AGL: variants seen among roughly 807,000 people sequenced by gnomAD.
AGL encodes the protein glycogen debranching enzyme.
In AGL, 128 loss-of-function variants were observed where a neutral mutation model predicts 199.3. That is an observed-to-expected ratio of 0.64 (90% CI 0.56 to 0.74). The LOEUF is 0.74. Ranked by LOEUF, AGL falls within the 30% of genes least tolerant of loss-of-function variation. AGL has a pLI of 0.00. For synonymous variants in AGL, 584 were observed against 594.7 expected (o/e 0.98, Z 0.26); for missense variants, 1,809 against 1,820.8 (o/e 0.99, Z 0.12).
At chr1:99,915,571 G>C in intron 31 of AGL, 85 bp downstream of exon 31, 3 of 1,070,776 alleles carry the variant, frequency 2.8e-6, no homozygotes, top group Non-Finnish European at 4.2e-6. Context: ...TTTTTTGCCA[G>C]GGCAACAAAA....
chr1:99,909,406 A>T (rs1283338870), intron 27 of AGL, among the ~76,000 whole-genome samples: 1 of 152,084 alleles, frequency 6.6e-6, no homozygotes, highest in African/African-American at 2.4e-5. Context: ...ACCCCCAGGT[A>T]GGGGATAGGA....
chr1:99,849,325 A>G (rs2101050278), upstream of AGL, among the ~76,000 whole-genome samples: 1 of 152,096 alleles, frequency 6.6e-6, no homozygotes, highest in South Asian at 2.1e-4. Flanking sequence ...TCTTCTCCAC[A>G]CGCCACAAGT....
rs1159541706 is a variant in AGL, at chr1:99,902,759, C to T, written c.3665C>T (p.Ala1222Val). Residue 1222 changes from alanine to valine, a missense_variant, in exon 27 of 34, where the codon GCT (alanine) becomes GTT (valine). Coordinates refer to ENST00000361915, the MANE Select transcript of AGL (RefSeq NM_000642.3). ...MQGIQFRERN[A>V]GPQIDRNMKD... Reference sequence around the variant, plus strand: ...GGCATACAGTTCCGAGAAAGGAATGCTGGTCCCCAGATAGATCGAAACATG... The same window carrying T: ...GGCATACAGTTCCGAGAAAGGAATGTTGGTCCCCAGATAGATCGAAACATG... The T allele has an allele frequency of 6.2e-7, 1 of 1,613,306 alleles. No homozygotes were observed. Among genetic ancestry groups the T allele is most frequent in the Admixed American group, 1.7e-5 (1 of 60,008 alleles).
At chr1:99,894,999 TTGTC>T (rs1294962070) in intron 24 of AGL, among the ~76,000 whole-genome samples, 1 of 152,172 alleles carries the variant, frequency 6.6e-6, no homozygotes, top group Non-Finnish European at 1.5e-5. Flanking sequence ...TATATTTTAT[TTGTC>T]CTCAGTTTCC....
chr1:99,869,833 T>A (rs1490253999), intron 5 of AGL, among the ~76,000 whole-genome samples: 5 of 152,212 alleles, frequency 3.3e-5, no homozygotes, highest in Non-Finnish European at 5.9e-5. Context: ...TTATCTGTTT[T>A]TAAATAGGTA....
chr1:99,918,691 T>G (rs1252038909), intron 33 of AGL, among the ~76,000 whole-genome samples: 1 of 152,166 alleles, frequency 6.6e-6, no homozygotes, highest in Non-Finnish European at 1.5e-5. Context: ...AGATTTTTGG[T>G]GTTTCTGTAA....
chr1:99,891,341 AG>A lies in AGL; in HGVS notation c.2936del (p.Gly979GlufsTer17). ...YVSNRLISRSGTIAEVGKWLQ... is the reference protein window; with the variant it reads ...YVSNRLISRSXTIAEVGKWLQ... ...TCAGTAACCGGCTTATTTCACGATC[AG>A]GAACTATTGCTGAAGTAAGTAGAGC... On this transcript the variant is annotated frameshift_variant, in exon 22 of 34. Transcript: ENST00000361915. LOFTEE classifies it high-confidence loss of function. The A allele has an allele frequency of 6.2e-7, 1 of 1,613,702 alleles. No homozygotes were observed. The highest frequency in any genetic ancestry group is 8.5e-7 in the Non-Finnish European group (1 of 1,179,696).
intron 33 of AGL, 33 bp downstream of exon 33, chr1:99,916,764 T>C (rs757523172): frequency 6.2e-7 from 1 of 1,603,190 alleles, no homozygotes; most frequent in South Asian, 1.1e-5. Context: ...TTTCCATAAC[T>C]AGTGTTTAGT....
chr1:99,910,039 C>T (rs943544939), intron 27 of AGL, among the ~76,000 whole-genome samples: 1 of 152,098 alleles, frequency 6.6e-6, no homozygotes, highest in African/African-American at 2.4e-5. Context: ...AGTTATCTTA[C>T]TATATATGTC....
At chr1:99,872,958 C>T (rs113339205) in intron 7 of AGL, among the ~76,000 whole-genome samples, 6,092 of 152,004 alleles carry the variant, frequency 0.04, 219 homozygotes, top group African/African-American at 0.086. Context: ...TTTTTTATAT[C>T]GACATTATTG....
In AGL at chr1:99,916,417, G is replaced by T. The variant is rs779368071; in HGVS notation, c.4267G>T (p.Val1423Phe). Residue 1423 changes from valine to phenylalanine, a missense_variant, in exon 32 of 34, where the codon GTT (valine) becomes TTT (phenylalanine). Transcript: ENST00000361915. ...ATTTCAATCATTTTGCAGTGATATG[G>T]TTTACTGTGGAATTTATGACAATGC... ...GMKTLDPDDM[V>F]YCGIYDNALD... is the part of the protein sequence containing the mutation. The T allele has an allele frequency of 2.5e-6, 4 of 1,608,240 alleles. No individual in the cohort carries two copies. Among genetic ancestry groups the T allele is most frequent in the Admixed American group, 3.3e-5 (2 of 59,718 alleles).
intron 21 of AGL, among the ~76,000 whole-genome samples, chr1:99,890,916 T>G (rs990932855): frequency 6.6e-6 from 1 of 152,122 alleles, no homozygotes; most frequent in Non-Finnish European, 1.5e-5. Flanking sequence ...CCCTTGAATA[T>G]TATAACATTA....
chr1:99,913,539 A>G lies in AGL; in HGVS notation c.3962A>G (p.Lys1321Arg), dbSNP rs1206104502. Residue 1321 changes from lysine to arginine, a missense_variant, in exon 30 of 34, where the codon AAG becomes AGG. By Grantham distance (26) the Lys-to-Arg change is conservative. Coordinates refer to ENST00000361915, the MANE Select transcript of AGL (RefSeq NM_000642.3). Reference sequence around the variant, plus strand: ...TGTCATTTTTCAGGAAAGGCTATAAAGGTCTCATATGATGAGTGGAACAGA... The same window carrying G: ...TGTCATTTTTCAGGAAAGGCTATAAGGGTCTCATATGATGAGTGGAACAGA... ...VTVKRHGKAI[K>R]VSYDEWNRKI... 1 of 1,613,042 alleles carries G rather than the reference A, an allele frequency of 6.2e-7. No individual in the cohort carries two copies. The highest frequency in any genetic ancestry group is 1.7e-5 in the Admixed American group (1 of 59,914).
At chr1:99,888,227 G>T in intron 21 of AGL, 119 bp downstream of exon 21, 1 of 1,288,770 alleles carries the variant, frequency 7.8e-7, no homozygotes, top group Non-Finnish European at 1.1e-6. Flanking sequence ...TTATGGCTCT[G>T]CTTCTGCTCA....
intron 11 of AGL, among the ~76,000 whole-genome samples, chr1:99,877,106 A>G (rs1651610312): frequency 6.6e-6 from 1 of 152,092 alleles, no homozygotes; most frequent in Non-Finnish European, 1.5e-5. Context: ...TGATATATTT[A>G]TTTTTTAACA....
intron 2 of AGL, among the ~76,000 whole-genome samples, chr1:99,854,287 A>G (rs1197671729): frequency 6.6e-6 from 1 of 152,280 alleles, no homozygotes; most frequent in Non-Finnish European, 1.5e-5. Context: ...CTAGAACTCT[A>G]GTTAAAACTA....
chr1:99,858,583 C>G (rs1649772211), intron 2 of AGL, among the ~76,000 whole-genome samples: 1 of 152,064 alleles, frequency 6.6e-6, no homozygotes, highest in East Asian at 1.9e-4. Flanking sequence ...CTTTGCCAAC[C>G]CTTGCTATAG....
At chr1:99,864,304 A>T in intron 4 of AGL, 82 bp from the exon 5 acceptor site, 2 of 1,244,856 alleles carry the variant, frequency 1.6e-6, no homozygotes, top group Non-Finnish European at 2.3e-6. Context: ...TACTTAAGAA[A>T]GTTTAAATTT....
rs1285488190 is a variant in AGL, at chr1:99,922,234, A to C, written c.*583A>C. ...CTGATATATTAATTTTTGTGTAATG[A>C]ATGCCAACAGTATATTTTATATGAT... On this transcript the variant is annotated 3_prime_UTR_variant, in exon 34 of 34. Transcript: ENST00000361915. 6.6e-6 allele frequency: 1 copy of C among 151,878 alleles called. No homozygotes were observed. Among genetic ancestry groups the C allele is most frequent in the African/African-American group, 2.4e-5 (1 of 41,442 alleles). 9.4% of individuals were successfully genotyped at this position (151,878 alleles called of 1,614,324 possible). A position where few individuals can be genotyped will look rare whatever the true frequency, so the allele number is the denominator to read the frequency against.
Sources: gnomAD v4.1 joint callset for allele counts (sites outside exome capture counted in the v4.1 genomes callset) on GRCh38, gnomAD v4.1.1 for gene constraint, MANE v1.5 for transcripts, NCBI Gene and HGNC (gene_info 2026-07-23, HGNC 2026-07-21) for gene names.